The following PDE4D variants were observed in gnomAD, a reference collection of about 807,000 sequenced individuals.
PDE4D encodes the protein 3',5'-cyclic-AMP phosphodiesterase 4D.
PDE4D carries 24 observed loss-of-function variants against 87.4 expected under a neutral mutation model. The ratio of observed to expected loss-of-function variants is 0.27; its 90% CI spans 0.20 to 0.39. The LOEUF (loss-of-function observed/expected upper bound fraction) is 0.39, where lower values mean the gene tolerates loss of function less well. Ranked by LOEUF, PDE4D falls within the 10% of genes least tolerant of loss-of-function variation. The pLI is 1.00. For missense variants in PDE4D, 714 were observed against 1,041.0 expected, an observed-to-expected ratio of 0.69 and a Z score of 4.32; for synonymous variants, 384 against 383.2, an observed-to-expected ratio of 1.00 and a Z score of -0.02.
At chr5:60,035,255 CAAAAA>C (rs55913764) in intron 2 of PDE4D, among the ~76,000 whole-genome samples, 1 of 126,452 alleles carries the variant, frequency 7.9e-6, no homozygotes, top group African/African-American at 2.8e-5. Context: ...GACTCCGTCT[CAAAAA>C]AAAAAAAAAA....
At chr5:59,772,785 G>GA (rs1251436433) in intron 1 of PDE4D, among the ~76,000 whole-genome samples, 2 of 152,210 alleles carry the variant, frequency 1.3e-5, no homozygotes, top group Admixed American at 1.3e-4. Context: ...TTGTCCACAG[G>GA]ATATAGGCCA....
At chr5:59,061,270 CA>C (rs1198768858) in intron 5 of PDE4D, among the ~76,000 whole-genome samples, 3 of 152,024 alleles carry the variant, frequency 2.0e-5, no homozygotes, top group Non-Finnish European at 4.4e-5. Flanking sequence ...AAAGGTTTAT[CA>C]AATGACATAT....
At chr5:60,069,518 G>C (rs1036703656) in intron 2 of PDE4D, among the ~76,000 whole-genome samples, 1 of 151,924 alleles carries the variant, frequency 6.6e-6, no homozygotes, top group Non-Finnish European at 1.5e-5. Context: ...ATTTATTTCT[G>C]GATTCTCTTA....
intron 1 of PDE4D, among the ~76,000 whole-genome samples, chr5:59,463,740 C>T (rs2153647385): frequency 6.6e-6 from 1 of 152,200 alleles, no homozygotes; most frequent in Non-Finnish European, 1.5e-5. Context: ...CTAAGTGTCA[C>T]TGATTTAGAA....
intron 2 of PDE4D, among the ~76,000 whole-genome samples, chr5:60,113,681 C>T (rs895078899): frequency 6.6e-6 from 1 of 152,094 alleles, no homozygotes; most frequent in African/African-American, 2.4e-5. Context: ...AATCTGTTCT[C>T]TTCGACCCAT....
intron 2 of PDE4D, among the ~76,000 whole-genome samples, chr5:60,156,596 A>G (rs1306156038): frequency 1.3e-5 from 2 of 152,212 alleles, no homozygotes; most frequent in Non-Finnish European, 2.9e-5. Context: ...CAGTTAAAAT[A>G]TTTAAAACTT....
chr5:59,697,296 A>T (rs1751923292), intron 1 of PDE4D, among the ~76,000 whole-genome samples: 1 of 152,220 alleles, frequency 6.6e-6, no homozygotes, highest in Non-Finnish European at 1.5e-5. Flanking sequence ...CTATTAAATA[A>T]AAAAGTTACA....
intron 1 of PDE4D, among the ~76,000 whole-genome samples, chr5:60,230,257 T>C (rs946538272): frequency 2.6e-5 from 4 of 152,116 alleles, no homozygotes; most frequent in Non-Finnish European, 1.5e-5. Context: ...GAGGGCTTTA[T>C]TGATTTTCAA....
chr5:60,152,933 A>G (rs1285708509), intron 2 of PDE4D, among the ~76,000 whole-genome samples: 1 of 152,114 alleles, frequency 6.6e-6, no homozygotes, highest in Non-Finnish European at 1.5e-5. Flanking sequence ...TTGTGATTTT[A>G]TTTATTTGAG....
At chr5:59,377,556 T>C (rs528490289) in intron 1 of PDE4D, among the ~76,000 whole-genome samples, 25 of 152,180 alleles carry the variant, frequency 1.6e-4, no homozygotes, top group Admixed American at 4.6e-4. Flanking sequence ...GCCTATAAAA[T>C]GGGAGAAAAT....
chr5:59,449,594 T>C (rs1798845323), intron 1 of PDE4D, among the ~76,000 whole-genome samples: 1 of 152,208 alleles, frequency 6.6e-6, no homozygotes, highest in Non-Finnish European at 1.5e-5. Context: ...CATGGCTTCC[T>C]TCATAGGACA....
At chr5:59,385,540 C>T (rs1332377165) in intron 1 of PDE4D, among the ~76,000 whole-genome samples, 2 of 152,134 alleles carry the variant, frequency 1.3e-5, no homozygotes, top group East Asian at 3.9e-4. Flanking sequence ...GGCAAGGTTT[C>T]AGCATTCATG....
intron 1 of PDE4D, among the ~76,000 whole-genome samples, chr5:60,328,181 T>C (rs1436421198): frequency 1.3e-5 from 2 of 152,184 alleles, no homozygotes; most frequent in Non-Finnish European, 2.9e-5. Context: ...TTTGACCTCC[T>C]TCCATACAAT....
chr5:59,340,436 A>G (rs1778520426), intron 1 of PDE4D, among the ~76,000 whole-genome samples: 1 of 152,204 alleles, frequency 6.6e-6, no homozygotes, highest in Non-Finnish European at 1.5e-5. Flanking sequence ...TTTATGGGGT[A>G]CATGAGATAT....
At chr5:59,911,860 G>A (rs1394678536) in intron 3 of PDE4D, among the ~76,000 whole-genome samples, 1 of 152,110 alleles carries the variant, frequency 6.6e-6, no homozygotes, top group Non-Finnish European at 1.5e-5. Flanking sequence ...TTATGGTAAT[G>A]TATAATGCAC....
At chr5:59,195,792 C>T (rs1444910035) in intron 2 of PDE4D, among the ~76,000 whole-genome samples, 1 of 152,150 alleles carries the variant, frequency 6.6e-6, no homozygotes, top group Non-Finnish European at 1.5e-5. Context: ...GTTCAATAAA[C>T]ATTTCTATAA....
intron 1 of PDE4D, among the ~76,000 whole-genome samples, chr5:60,458,386 C>CAA (rs61006284): frequency 0.017 from 1,283 of 74,578 alleles, 63 homozygotes; most frequent in East Asian, 0.16. Context: ...GACTTCATTG[C>CAA]AAAAAAAAAA....
At chr5:59,703,592 C>T (rs778737433) in intron 1 of PDE4D, 10 of 534,312 alleles carry the variant, frequency 1.9e-5, no homozygotes, top group Non-Finnish European at 3.1e-5. Context: ...TGTCCCCAGC[C>T]GACTTCACAA....
At chr5:59,560,797 C>G (rs1819848106) in intron 1 of PDE4D, 1 of 152,178 alleles carries the variant, frequency 6.6e-6, no homozygotes, top group Non-Finnish European at 1.5e-5. Context: ...TGGAGACAGT[C>G]TTAATGGGAC....
Sources: gnomAD v4.1 joint callset for allele counts (sites outside exome capture counted in the v4.1 genomes callset) on GRCh38, gnomAD v4.1.1 for gene constraint, MANE v1.5 for transcripts, NCBI Gene and HGNC (gene_info 2026-07-23, HGNC 2026-07-21) for gene names.